Variants in GPC6 observed in about 807,000 individuals in gnomAD.
GPC6 encodes glypican 6, also known as glypican-6.
In GPC6, 14 loss-of-function variants were observed where a neutral mutation model predicts 55.2. The ratio of observed to expected loss-of-function variants is 0.25; its 90% confidence interval spans 0.17 to 0.40. GPC6 has a LOEUF of 0.40. Ranked by LOEUF, GPC6 falls within the 10% of genes least tolerant of loss-of-function variation. GPC6 has a pLI of 1.00. For synonymous variants in GPC6, 278 were observed against 259.6 expected (o/e 1.07, Z -0.68); for missense variants, 641 against 708.5 (o/e 0.90, Z 1.08).
intron 4 of GPC6, among the ~76,000 whole-genome samples, chr13:94,200,345 G>A (rs1889712236): frequency 6.6e-6 from 1 of 152,170 alleles, no homozygotes; most frequent in African/African-American, 2.4e-5. Flanking sequence ...GCATTTGTAA[G>A]GTGTGGGTCC....
intron 1 of GPC6, among the ~76,000 whole-genome samples, chr13:93,426,476 A>G (rs1877132870): frequency 2.6e-5 from 1 of 38,502 alleles, no homozygotes; most frequent in South Asian, 2.5e-3. Flanking sequence ...TATGAGTGAG[A>G]ATATGCAGTG....
chr13:93,998,245 A>G (rs1418060581), intron 3 of GPC6, among the ~76,000 whole-genome samples: 1 of 152,234 alleles, frequency 6.6e-6, no homozygotes, highest in Non-Finnish European at 1.5e-5. Flanking sequence ...AAAATATAGT[A>G]AACTAAGAGT....
intron 4 of GPC6, among the ~76,000 whole-genome samples, chr13:94,202,818 C>T (rs540269901): frequency 9.9e-5 from 15 of 152,126 alleles, no homozygotes; most frequent in Admixed American, 4.6e-4. Flanking sequence ...CAGCAGAGCC[C>T]GGGAGTAGGT....
At chr13:93,391,136 A>G (rs2139217784) in intron 1 of GPC6, among the ~76,000 whole-genome samples, 1 of 152,280 alleles carries the variant, frequency 6.6e-6, no homozygotes, top group African/African-American at 2.4e-5. Flanking sequence ...CAGTGCTAAA[A>G]TACCAGAAAT....
intron 2 of GPC6, among the ~76,000 whole-genome samples, chr13:93,711,649 C>G (rs1000930223): frequency 5.9e-5 from 9 of 151,494 alleles, no homozygotes; most frequent in Non-Finnish European, 1.2e-4. Context: ...CTCTAATACA[C>G]CTTTTATTCT....
chr13:94,373,229 G>A (rs1213669627), intron 6 of GPC6, among the ~76,000 whole-genome samples: 2 of 152,048 alleles, frequency 1.3e-5, no homozygotes, highest in Non-Finnish European at 2.9e-5. Flanking sequence ...ACTTTGACGA[G>A]CTGAGAGAAG....
intron 4 of GPC6, among the ~76,000 whole-genome samples, chr13:94,240,508 G>A (rs966950445): frequency 1.3e-5 from 2 of 152,074 alleles, no homozygotes; most frequent in African/African-American, 4.8e-5. Context: ...AAAAAATAAT[G>A]ATTGAGTGCC....
At chr13:93,243,515 G>A (rs563548784) in intron 1 of GPC6, among the ~76,000 whole-genome samples, 1 of 152,282 alleles carries the variant, frequency 6.6e-6, no homozygotes, top group African/African-American at 2.4e-5. Flanking sequence ...GATATGGGTG[G>A]AGCTGGACCA....
At chr13:93,420,728 G>A (rs945532049) in intron 1 of GPC6, among the ~76,000 whole-genome samples, 8 of 152,212 alleles carry the variant, frequency 5.3e-5, no homozygotes, top group Admixed American at 4.6e-4. Flanking sequence ...GTTCAGTTAT[G>A]TATTCATTTG....
chr13:93,518,187 T>A (rs145185379), intron 1 of GPC6, among the ~76,000 whole-genome samples: 1 of 151,846 alleles, frequency 6.6e-6, no homozygotes, highest in Non-Finnish European at 1.5e-5. Flanking sequence ...GAAGAGAAAA[T>A]GGTGGTTAAA....
intron 4 of GPC6, among the ~76,000 whole-genome samples, chr13:94,199,975 G>C (rs747120608): frequency 1.1e-4 from 17 of 152,218 alleles, no homozygotes; most frequent in Non-Finnish European, 1.8e-4. Context: ...TGACCAATAT[G>C]GTGAAACCCT....
intron 1 of GPC6, among the ~76,000 whole-genome samples, chr13:93,488,645 T>A (rs540741814): frequency 1.3e-5 from 2 of 152,316 alleles, no homozygotes; most frequent in East Asian, 3.9e-4. Context: ...TTTCCTGACT[T>A]TTTAATGATC....
intron 4 of GPC6, among the ~76,000 whole-genome samples, chr13:94,169,211 C>A (rs1312901620): frequency 2.0e-5 from 3 of 152,182 alleles, no homozygotes; most frequent in Non-Finnish European, 4.4e-5. Context: ...GAAATGATTT[C>A]CTCTGTTGAT....
intron 2 of GPC6, among the ~76,000 whole-genome samples, chr13:93,700,329 G>GAAGGACTTC (rs1436691749): frequency 1.3e-5 from 2 of 152,200 alleles, no homozygotes; most frequent in East Asian, 3.9e-4. Flanking sequence ...AGTCAAGGCA[G>GAAGGACTTC]AAGGACTTCA....
chr13:93,268,738 A>G (rs367740136), intron 1 of GPC6, among the ~76,000 whole-genome samples: 6 of 152,222 alleles, frequency 3.9e-5, no homozygotes, highest in Admixed American at 2.0e-4. Context: ...TCTTTTCAGA[A>G]TGTCATTCCC....
chr13:94,351,671 T>G (rs559539933), intron 6 of GPC6, among the ~76,000 whole-genome samples: 1 of 152,070 alleles, frequency 6.6e-6, no homozygotes, highest in Non-Finnish European at 1.5e-5. Flanking sequence ...TCTGTGGCTA[T>G]GTCATGGATC....
intron 4 of GPC6, among the ~76,000 whole-genome samples, chr13:94,239,671 C>G (rs566184098): frequency 2.6e-4 from 40 of 152,020 alleles, no homozygotes; most frequent in Non-Finnish European, 5.1e-4. Context: ...TTTATTCTTG[C>G]GAAATGATAG....
At chr13:93,359,443 A>G (rs1463773504) in intron 1 of GPC6, among the ~76,000 whole-genome samples, 1 of 152,178 alleles carries the variant, frequency 6.6e-6, no homozygotes, top group East Asian at 1.9e-4. Context: ...CTGTGTATCC[A>G]TGAGATTACA....
At chr13:94,293,158 G>C (rs914968674) in intron 5 of GPC6, among the ~76,000 whole-genome samples, 10 of 152,138 alleles carry the variant, frequency 6.6e-5, no homozygotes, top group Non-Finnish European at 1.0e-4. Context: ...AACACCTGCT[G>C]TATCCTTTCA....
Sources: gnomAD v4.1 joint callset for allele counts (sites outside exome capture counted in the v4.1 genomes callset) on GRCh38, gnomAD v4.1.1 for gene constraint, MANE v1.5 for transcripts, NCBI Gene and HGNC (gene_info 2026-07-23, HGNC 2026-07-21) for gene names.